The following ATP13A3 variants were observed in gnomAD, a reference collection of about 807,000 sequenced individuals.
ATP13A3 encodes polyamine-transporting ATPase 13A3.
Under a neutral mutation model 158.1 loss-of-function variants are expected in ATP13A3, and 59 were observed. That is an observed-to-expected ratio of 0.37 (90% CI 0.30 to 0.46). The LOEUF is 0.46. Among genes scored for constraint, ATP13A3 ranks in the 20% least tolerant of loss-of-function variants. The probability of loss-of-function intolerance (pLI) is 1.00; values close to 1 mark genes in which losing one functional copy is unlikely to be tolerated. For missense variants in ATP13A3, 1,166 were observed against 1,525.2 expected (o/e 0.76, Z 3.92); for synonymous variants, 491 against 504.3 (o/e 0.97, Z 0.35).
Position 194,403,833 on chromosome 3 carries a change from C to T in ATP13A3, c.*2086G>A. 4.4e-6 allele frequency: 1 copy of T among 228,930 alleles called. No individual in the cohort carries two copies. Among genetic ancestry groups the T allele is most frequent in the Non-Finnish European group, 8.7e-6 (1 of 114,560 alleles). The allele number at this position is 228,930 out of a possible 1,614,324, so 14.2% of individuals were successfully genotyped here. A position where few individuals can be genotyped will look rare whatever the true frequency, so the allele number is the denominator to read the frequency against. Reference sequence around the variant, plus strand: ...ATCTAACTTCCTACAAATGCTTTTCCAGCCACCTAAACACCTCATTCCTTT... The same window carrying T: ...ATCTAACTTCCTACAAATGCTTTTCTAGCCACCTAAACACCTCATTCCTTT... On this transcript the variant is annotated 3_prime_UTR_variant, in exon 34 of 34. Coordinates refer to ENST00000645319, the MANE Select transcript of ATP13A3 (RefSeq NM_001367549.1).
chr3:194,434,886 A>G (rs1309654705), intron 20 of ATP13A3, among the ~76,000 whole-genome samples: 8 of 152,200 alleles, frequency 5.3e-5, no homozygotes, highest in Admixed American at 2.6e-4. Flanking sequence ...GTTCCACTGC[A>G]CTCTAGCCTA....
chr3:194,471,191 G>C (rs1259431143), intron 2 of ATP13A3, among the ~76,000 whole-genome samples: 1 of 152,018 alleles, frequency 6.6e-6, no homozygotes, highest in Non-Finnish European at 1.5e-5. Context: ...CCCCAGGCAA[G>C]AGAAAGTTGT....
intron 28 of ATP13A3, 132 bp downstream of exon 28, chr3:194,428,713 A>G (rs1716997709): frequency 3.4e-6 from 2 of 583,672 alleles, no homozygotes; most frequent in Admixed American, 7.7e-5. Context: ...CTGGTAATAA[A>G]ATAACATATT....
At chr3:194,434,733 A>G (rs371009881) in intron 20 of ATP13A3, among the ~76,000 whole-genome samples, 2 of 152,224 alleles carry the variant, frequency 1.3e-5, no homozygotes, top group Non-Finnish European at 2.9e-5. Flanking sequence ...CCTGGGCAGC[A>G]TAGTGAGACC....
intron 33 of ATP13A3, among the ~76,000 whole-genome samples, chr3:194,408,429 A>G (rs1385421694): frequency 1.3e-5 from 2 of 152,236 alleles, no homozygotes; most frequent in African/African-American, 4.8e-5. Context: ...TTGTCTGTCC[A>G]AAGAGTCTGC....
In ATP13A3 at chr3:194,446,888, C is replaced by A. The variant is rs756068361; in HGVS notation, c.1497+39G>T. The A allele has an allele frequency of 2.7e-6, 4 of 1,503,106 alleles. No individual in the cohort carries two copies. The African/African-American group carries it at 5.7e-5, about 21-fold the overall frequency. The allele number at this position is 1,503,106 out of a possible 1,614,324, so 93.1% of individuals were successfully genotyped here. Reference sequence around the variant, plus strand: ...CATTGATCTAAATATTTAAACGCTACGAAGTAACCTTTGAAAGTAACTATG... The same window carrying A: ...CATTGATCTAAATATTTAAACGCTAAGAAGTAACCTTTGAAAGTAACTATG... On this transcript the variant is annotated intron_variant, in intron 14 of 33. Coordinates refer to ENST00000645319, the MANE Select transcript of ATP13A3 (RefSeq NM_001367549.1).
intron 21 of ATP13A3, 114 bp from the exon 22 acceptor site, chr3:194,432,006 G>T: frequency 1.2e-6 from 1 of 804,330 alleles, no homozygotes; most frequent in Non-Finnish European, 1.7e-6. Flanking sequence ...GCAGAGTAAC[G>T]ATAATGTATG....
At chr3:194,458,113 C>A (rs2108956999) in intron 6 of ATP13A3, among the ~76,000 whole-genome samples, 1 of 152,100 alleles carries the variant, frequency 6.6e-6, no homozygotes, top group East Asian at 1.9e-4. Context: ...AACTGAGATA[C>A]CAGCTATAAC....
chr3:194,439,749 G>T (rs9847387), intron 16 of ATP13A3, among the ~76,000 whole-genome samples: 55,492 of 151,982 alleles, frequency 0.37, 14,320 homozygotes, highest in African/African-American at 0.74. Flanking sequence ...ACCATTTCAC[G>T]GATAAGTAAG....
intron 16 of ATP13A3, 98 bp from the exon 17 acceptor site, chr3:194,439,070 T>C: frequency 1.4e-6 from 1 of 693,934 alleles, no homozygotes; most frequent in Non-Finnish European, 2.3e-6. Flanking sequence ...TAGAACATTA[T>C]GGCCATTTTC....
chr3:194,461,537 T>C (rs1281426212), intron 3 of ATP13A3, among the ~76,000 whole-genome samples: 3 of 152,236 alleles, frequency 2.0e-5, no homozygotes, highest in African/African-American at 7.2e-5. Flanking sequence ...ACTGACAAAC[T>C]GTCTCATAGT....
At chr3:194,492,257 A>G (rs374719336) in intron 2 of ATP13A3, among the ~76,000 whole-genome samples, 1 of 152,038 alleles carries the variant, frequency 6.6e-6, no homozygotes, top group African/African-American at 2.4e-5. Flanking sequence ...TCTTTGTACA[A>G]TCTATTCTTT....
At chr3:194,430,663 A>G (rs1279196539) in intron 24 of ATP13A3, among the ~76,000 whole-genome samples, 1 of 152,178 alleles carries the variant, frequency 6.6e-6, no homozygotes, top group East Asian at 1.9e-4. Flanking sequence ...AACCTGAAAC[A>G]TAACTGTTTA....
At chr3:194,452,508 TTAA>T (rs1718882009) in intron 10 of ATP13A3, 1 of 152,072 alleles carries the variant, frequency 6.6e-6, no homozygotes, top group Non-Finnish European at 1.5e-5. Flanking sequence ...ATAAAATAAA[TTAA>T]TAATAATAGC....
chr3:194,418,867 A>G lies in ATP13A3; in HGVS notation c.3402+1012T>C, dbSNP rs146580692. On this transcript the variant is annotated intron_variant, in intron 31 of 33. Coordinates refer to ENST00000645319, the MANE Select transcript of ATP13A3 (RefSeq NM_001367549.1). The stretch of plus-strand genomic sequence containing the variant: ...TGTCTGGAATTACCAGCACATGGCA[A>G]TATTTAAAAAGCAGATGGACTTCTA... 1.1e-4 allele frequency among the ~76,000 whole-genome samples: 17 copies of G among 152,362 alleles called. No homozygotes were observed. In the East Asian group the frequency reaches 3.3e-3, roughly 29 times the overall value.
Position 194,448,391 on chromosome 3 carries a change from T to G in ATP13A3, c.1150+66A>C. On this transcript the variant is annotated intron_variant, in intron 12 of 33. Coordinates refer to ENST00000645319, the MANE Select transcript of ATP13A3 (RefSeq NM_001367549.1). The surrounding 1 kb of genome is among the most constrained non-coding windows in gnomAD (Gnocchi z 4.0). Reference sequence around the variant, plus strand: ...CAGCACCCAGCCCAGAATCTCTTTTTAAACATTTAGTAGGTATCAAATATG... The same window carrying G: ...CAGCACCCAGCCCAGAATCTCTTTTGAAACATTTAGTAGGTATCAAATATG... 1 of 1,559,200 alleles carries G rather than the reference T, an allele frequency of 6.4e-7. No individual in the cohort carries two copies. Among genetic ancestry groups the G allele is most frequent in the Admixed American group, 1.7e-5 (1 of 57,254 alleles).
At chr3:194,461,990 T>C in intron 3 of ATP13A3, 150 bp downstream of exon 3, 1 of 701,832 alleles carries the variant, frequency 1.4e-6, no homozygotes, top group South Asian at 1.8e-5. Context: ...TATTACACAA[T>C]CCCAATTCAA....
At chr3:194,440,998 T>G (rs576001083) in intron 16 of ATP13A3, among the ~76,000 whole-genome samples, 6 of 152,182 alleles carry the variant, frequency 3.9e-5, no homozygotes, top group Non-Finnish European at 8.8e-5. Context: ...ATTGTGTCAG[T>G]TGAGATCATC....
chr3:194,419,852 C>A, intron 31 of ATP13A3, 27 bp downstream of exon 31: 2 of 1,551,716 alleles, frequency 1.3e-6, no homozygotes, highest in South Asian at 2.5e-5. Context: ...TCTTTTTCCC[C>A]AAACAAATGA....
Sources: allele counts gnomAD v4.1 joint callset (sites outside exome capture counted in the v4.1 genomes callset), GRCh38; gene constraint gnomAD v4.1.1; non-coding constraint Gnocchi (gnomAD v3.1); transcripts MANE v1.5; gene names NCBI Gene and HGNC (gene_info 2026-07-23, HGNC 2026-07-21).